Variants in ZYG11A observed in about 807,000 individuals in gnomAD.
ZYG11A encodes protein zyg-11 homolog A.
A neutral mutation model predicts 77.2 loss-of-function variants in ZYG11A; 62 were observed. The ratio of observed to expected loss-of-function variants is 0.80; its 90% confidence interval spans 0.65 to 0.99. ZYG11A has a LOEUF of 0.99. Among genes scored for constraint, ZYG11A ranks in the 50% least tolerant of loss-of-function variants. The pLI is 0.00. For synonymous variants in ZYG11A, 315 were observed against 324.6 expected (o/e 0.97, Z 0.32); for missense variants, 828 against 896.8 (o/e 0.92, Z 0.98).
At chr1:52,846,423 G>T (rs1645586765) in intron 1 of ZYG11A, among the ~76,000 whole-genome samples, 1 of 141,978 alleles carries the variant, frequency 7.0e-6, no homozygotes, top group Non-Finnish European at 1.5e-5. Context: ...CATGATCTTG[G>T]CTCACCACAA....
At position 52,881,695 on chromosome 1, in the gene ZYG11A, T is replaced by G. The variant is rs191610669; in HGVS notation, c.1944+30T>G. On this transcript the variant is annotated intron_variant, in intron 11 of 13. Coordinates refer to ENST00000371528, the MANE Select transcript of ZYG11A (RefSeq NM_001004339.3). ...AGGAACCACATTCTTATTTATAAAATCCAGAGTAATCTCTAATTACAGAAA... is the reference window on the plus strand; with the variant it reads ...AGGAACCACATTCTTATTTATAAAAGCCAGAGTAATCTCTAATTACAGAAA... The G allele has an allele frequency of 1.9e-4, 277 of 1,452,332 alleles. 1 individual carries two copies. The Admixed American group carries it at 2.8e-3, about 15-fold the overall frequency. 90.0% of individuals were successfully genotyped at this position (1,452,332 alleles called of 1,614,324 possible).
In ZYG11A at chr1:52,854,531, T is replaced by TA; in HGVS notation, c.157_158insA (p.Leu53TyrfsTer4). 6.4e-7 allele frequency: 1 copy of TA among 1,551,650 alleles called. No individual in the cohort carries two copies. Among genetic ancestry groups the TA allele is most frequent in the Non-Finnish European group, 8.7e-7 (1 of 1,146,764 alleles). On this transcript the variant is annotated frameshift_variant, in exon 2 of 14. Coordinates refer to ENST00000371528, the MANE Select transcript of ZYG11A (RefSeq NM_001004339.3). LOFTEE classifies it high-confidence loss of function. ...TGTCCTGATTGCTAACCTGGAGAAA[T>TA]TGTGTTCTGAAAGACCTGATGGAAC...
At chr1:52,869,846 C>G (rs546027134) in intron 8 of ZYG11A, among the ~76,000 whole-genome samples, 2 of 151,002 alleles carry the variant, frequency 1.3e-5, no homozygotes, top group Middle Eastern at 3.5e-3. Flanking sequence ...CCTCACCTCC[C>G]GGACGGGACG....
At chr1:52,884,773 T>G (rs1646419233) in intron 11 of ZYG11A, among the ~76,000 whole-genome samples, 1 of 152,172 alleles carries the variant, frequency 6.6e-6, no homozygotes, top group Non-Finnish European at 1.5e-5. Context: ...GACACACCCC[T>G]GTTTTTATCA....
intron 4 of ZYG11A, 129 bp downstream of exon 4, chr1:52,861,000 A>T: frequency 1.1e-6 from 1 of 889,274 alleles, no homozygotes; most frequent in Non-Finnish European, 1.7e-6. Flanking sequence ...CTCATAGAGC[A>T]AAGAATGTTA....
intron 13 of ZYG11A, among the ~76,000 whole-genome samples, chr1:52,891,562 T>A (rs1646544049): frequency 6.6e-6 from 1 of 151,940 alleles, no homozygotes; most frequent in Non-Finnish European, 1.5e-5. Flanking sequence ...TCAAACCTTA[T>A]TACCCACTTG....
chr1:52,867,870 T>G, intron 8 of ZYG11A, 93 bp downstream of exon 8: 5 of 1,029,708 alleles, frequency 4.9e-6, no homozygotes, highest in Non-Finnish European at 7.0e-6. Flanking sequence ...CCAAAAGGCC[T>G]ATTAAGGTGA....
At chr1:52,843,559 C>T (rs371058414) in intron 1 of ZYG11A, among the ~76,000 whole-genome samples, 6 of 152,178 alleles carry the variant, frequency 3.9e-5, no homozygotes, top group African/African-American at 1.4e-4. Context: ...GCGCGTCCGC[C>T]CCCGTCCCCG....
intron 8 of ZYG11A, among the ~76,000 whole-genome samples, chr1:52,869,387 T>C: frequency 6.6e-6 from 1 of 151,564 alleles, no homozygotes; most frequent in African/African-American, 2.4e-5. Flanking sequence ...CAGAGGACCC[T>C]GCGGCCTTCC....
At chr1:52,860,917 C>A in intron 4 of ZYG11A, 46 bp downstream of exon 4, 2 of 1,515,828 alleles carry the variant, frequency 1.3e-6, no homozygotes, top group South Asian at 2.4e-5. Flanking sequence ...TAACTTGGTT[C>A]AATTAATAAT....
chr1:52,844,850 C>T (rs962935912), intron 1 of ZYG11A, among the ~76,000 whole-genome samples: 1 of 152,012 alleles, frequency 6.6e-6, no homozygotes, highest in Non-Finnish European at 1.5e-5. Context: ...ATCTTGTATC[C>T]TACAGCCTGG....
chr1:52,845,984 A>C (rs1378535917), intron 1 of ZYG11A, among the ~76,000 whole-genome samples: 1 of 152,032 alleles, frequency 6.6e-6, no homozygotes, highest in African/African-American at 2.4e-5. Context: ...TAGAATAAAT[A>C]TAATTATCAG....
intron 8 of ZYG11A, among the ~76,000 whole-genome samples, chr1:52,877,082 T>C (rs534348651): frequency 6.6e-6 from 1 of 152,184 alleles, no homozygotes; most frequent in East Asian, 1.9e-4. Context: ...CAGCAGACTT[T>C]TTTCCTGCCC....
chr1:52,872,893 A>AG (rs1646193788), intron 8 of ZYG11A, among the ~76,000 whole-genome samples: 3 of 143,858 alleles, frequency 2.1e-5, no homozygotes, highest in African/African-American at 7.7e-5. Flanking sequence ...AAAAAAAAAA[A>AG]AAAAAAGAAA....
At chr1:52,883,802 A>G (rs1194541307) in intron 11 of ZYG11A, among the ~76,000 whole-genome samples, 1 of 151,726 alleles carries the variant, frequency 6.6e-6, no homozygotes, top group African/African-American at 2.4e-5. Context: ...ATTTTGTTCC[A>G]TTGTGTTAGA....
At chr1:52,886,068 G>C (rs1303187517) in intron 12 of ZYG11A, among the ~76,000 whole-genome samples, 174 bp downstream of exon 12, 2 of 152,090 alleles carry the variant, frequency 1.3e-5, no homozygotes, top group Non-Finnish European at 2.9e-5. Context: ...GAGTAGCTGG[G>C]ACTACAGGCA....
At chr1:52,871,783 A>G (rs1646171978) in intron 8 of ZYG11A, among the ~76,000 whole-genome samples, 1 of 152,160 alleles carries the variant, frequency 6.6e-6, no homozygotes, top group Admixed American at 6.5e-5. Flanking sequence ...CTGTGCAGAC[A>G]CCAGAATTGG....
chr1:52,885,890 T>C lies in ZYG11A; in HGVS notation c.2002T>C (p.Tyr668His), dbSNP rs772267019. ...TTGTAAGATGACAGCATTGGTGACC[T>C]ATAGGTAATTTCATGGTGTTGTGCT... ...SSCKMTALVT[Y>H]RSFKTFFPLL... The change falls in exon 12 of 14, where the codon TAT (tyrosine) becomes CAT (histidine). Residue 668 changes from tyrosine to histidine, a missense_variant. Coordinates refer to ENST00000371528, the MANE Select transcript of ZYG11A (RefSeq NM_001004339.3). 3 of 1,541,016 alleles carry C rather than the reference T, an allele frequency of 1.9e-6. No homozygotes were observed. The South Asian group carries it at 3.7e-5, about 19-fold the overall frequency.
chr1:52,870,739 C>T (rs1646144634), intron 8 of ZYG11A, among the ~76,000 whole-genome samples: 1 of 152,188 alleles, frequency 6.6e-6, no homozygotes, highest in African/African-American at 2.4e-5. Flanking sequence ...CGCGCGCCTG[C>T]AGTCGCAGGC....
Sources: gnomAD v4.1 joint callset for allele counts (sites outside exome capture counted in the v4.1 genomes callset) on GRCh38, gnomAD v4.1.1 for gene constraint, MANE v1.5 for transcripts, NCBI Gene and HGNC (gene_info 2026-07-23, HGNC 2026-07-21) for gene names.